The following SCNN1D variants were observed in gnomAD, a reference collection of about 807,000 sequenced individuals.
SCNN1D encodes the protein sodium channel epithelial 1 subunit delta.
In SCNN1D, 104 loss-of-function variants were observed where a neutral mutation model predicts 87.8. That is an observed-to-expected ratio of 1.18 (90% confidence interval 1.01 to 1.39). The LOEUF (loss-of-function observed/expected upper bound fraction) is 1.39. SCNN1D is among the 40% of genes most tolerant of loss of function. The probability of loss-of-function intolerance (pLI) is 0.00; values close to 1 mark genes in which losing one functional copy is unlikely to be tolerated. For synonymous variants in SCNN1D, 628 were observed against 481.2 expected, an observed-to-expected ratio of 1.31 and a Z score of -3.99; for missense variants, 1,324 against 1,093.9, an observed-to-expected ratio of 1.21 and a Z score of -2.97.
chr1:1,287,638 G>C (rs1640627027), intron 10 of SCNN1D, 35 bp from the exon 11 acceptor site: 7 of 1,611,634 alleles, frequency 4.3e-6, no homozygotes, highest in Non-Finnish European at 5.1e-6. Flanking sequence ...AGGGGTGCAG[G>C]TCAGGTGGCC....
In SCNN1D at chr1:1,281,551, A is replaced by G. The variant is rs900250217; in HGVS notation, c.218A>G (p.His73Arg). ...GGPCGFTSAG[H>R]VLCGYPLCLL... ...CCATGTGGATTCACCAGTGCTGGAC[A>G]TGTGCTCTGTGGCTACCCCCTCTGC... Residue 73 changes from histidine (H) to arginine (R), a missense_variant, in exon 3 of 18, where the codon CAT becomes CGT. Physicochemically the swap from His to Arg is conservative, Grantham distance 29 (BLOSUM62 0). Coordinates refer to ENST00000379116, the MANE Select transcript of SCNN1D (RefSeq NM_001130413.4). 7 of 1,535,638 alleles carry G rather than the reference A, an allele frequency of 4.6e-6. No homozygotes were observed. The African/African-American group carries it at 5.5e-5, about 12-fold the overall frequency.
chr1:1,286,889 C>A lies in SCNN1D; in HGVS notation c.1033C>A (p.His345Asn), dbSNP rs148117452. ...CGCCCTCTCCGCCACTGTCCCCCGCCACGAGCCCCCCTTCCACCTGGACCG... is the reference window on the plus strand; with the variant it reads ...CGCCCTCTCCGCCACTGTCCCCCGCAACGAGCCCCCCTTCCACCTGGACCG... ...RAALSATVPR[H>N]EPPFHLDREI... The change falls in exon 8 of 18, where the codon CAC becomes AAC. Residue 345 changes from histidine (H) to asparagine (N), a missense_variant. Coordinates refer to ENST00000379116, the MANE Select transcript of SCNN1D (RefSeq NM_001130413.4). 22 of 1,612,522 alleles carry A rather than the reference C, an allele frequency of 1.4e-5. No individual in the cohort carries two copies. The South Asian group carries it at 1.6e-4, about 12-fold the overall frequency.
At chr1:1,286,707 A>T (rs1282686192) in intron 7 of SCNN1D, 61 bp from the exon 8 acceptor site, 6 of 1,492,192 alleles carry the variant, frequency 4.0e-6, no homozygotes, top group African/African-American at 1.4e-5. Flanking sequence ...ACACACTGGG[A>T]TGCTGGGGCC....
intron 12 of SCNN1D, 35 bp downstream of exon 12, chr1:1,288,072 T>G (rs1570607923): frequency 3.8e-6 from 4 of 1,047,796 alleles, no homozygotes; most frequent in South Asian, 2.1e-5. Context: ...CGGGGGCAGG[T>G]GAGGCTGGGC....
Position 1,286,859 on chromosome 1 carries a change from A to G in SCNN1D, c.1003A>G (p.Arg335Gly). The part of the protein sequence containing the change: ...SLYNVNLSKG[R>G]AALSATVPRH... ...GTACAACGTCAACCTCAGCAAAGGC[A>G]GAGCCGCCCTCTCCGCCACTGTCCC... Residue 335 changes from arginine to glycine, a missense_variant, in exon 8 of 18, where the codon AGA becomes GGA. Physicochemically the swap from Arg to Gly is moderately radical, Grantham distance 125. Coordinates refer to ENST00000379116, the MANE Select transcript of SCNN1D (RefSeq NM_001130413.4). 6.2e-7 allele frequency: 1 copy of G among 1,612,626 alleles called. No homozygotes were observed. The highest frequency in any genetic ancestry group is 8.5e-7 in the Non-Finnish European group (1 of 1,179,868).
rs188351262 is a variant in SCNN1D, at chr1:1,290,431, G to T, written c.1780+43G>T. ...CCTCCCACTCTGTCAGCCATTAGCC[G>T]GGGGGTCACAGCGAGCCTCACACAT... On this transcript the variant is annotated intron_variant, in intron 13 of 17. Coordinates refer to ENST00000379116, the MANE Select transcript of SCNN1D (RefSeq NM_001130413.4). 9.4e-6 allele frequency: 15 copies of T among 1,598,656 alleles called. No individual in the cohort carries two copies. In the East Asian group the frequency reaches 2.7e-4, roughly 28 times the overall value.
In SCNN1D at chr1:1,287,982, C is replaced by T; in HGVS notation, c.1607C>T (p.Ala536Val). 2 of 1,546,894 alleles carry T rather than the reference C, an allele frequency of 1.3e-6. No individual in the cohort carries two copies. Among genetic ancestry groups the T allele is most frequent in the South Asian group, 1.2e-5 (1 of 83,800 alleles). Residue 536 changes from alanine to valine, a missense_variant, in exon 12 of 18, where the codon GCC becomes GTC. Transcript: ENST00000379116. ...GGGAGCCCCTACGGCCACTGCACCG[C>T]CGGCGGGGAAGGCGTGGAGGTGGAG... ...RLGSPYGHCTAGGEGVEVELL... is the reference protein window; with the variant it reads ...RLGSPYGHCTVGGEGVEVELL...
chr1:1,286,659 G>C, intron 7 of SCNN1D, 109 bp from the exon 8 acceptor site: 1 of 1,067,658 alleles, frequency 9.4e-7, no homozygotes. Flanking sequence ...CACCCCACTG[G>C]GCGTCCCGAG....
Position 1,289,964 on chromosome 1 carries a change from TCC to T in SCNN1D, c.1663-303_1663-302del, listed in dbSNP as rs1384509683. Among the ~76,000 whole-genome samples the T allele has an allele frequency of 2.0e-3, 73 of 35,778 alleles. 7 individuals carry two copies. The East Asian group carries it at 0.11, about 53-fold the overall frequency. The allele number at this position is 35,778 out of a possible 152,430, so 23.5% of individuals were successfully genotyped here. The stretch of plus-strand genomic sequence containing the variant: ...TGCTCCGTCCCGTGTCTCTGCTCCG[TCC>T]CCCGTGTCTGCTCCGTCCCGTGTCC... On this transcript the variant is annotated intron_variant, in intron 12 of 17. Coordinates refer to ENST00000379116, the MANE Select transcript of SCNN1D (RefSeq NM_001130413.4).
Position 1,282,076 on chromosome 1 carries a change from G to A in SCNN1D, c.278-166G>A, listed in dbSNP as rs190246452. 721 of 614,556 alleles carry A rather than the reference G, an allele frequency of 1.2e-3. 2 individuals are homozygous for A. The highest frequency in any genetic ancestry group is 0.011 in the African/African-American group (605 of 54,142). 38.1% of individuals were successfully genotyped at this position (614,556 alleles called of 1,614,324 possible). ...GAAGCCCCAGGCCTGTGCTGTGTCC[G>A]GGGGCCCTGCCGCTGACCTGTGGGG... On this transcript the variant is annotated intron_variant, in intron 3 of 17. Transcript: ENST00000379116.
chr1:1,284,394 G>A (rs1640541939), intron 5 of SCNN1D, among the ~76,000 whole-genome samples: 1 of 150,874 alleles, frequency 6.6e-6, no homozygotes, highest in African/African-American at 2.4e-5. Context: ...TCTTTCCGAT[G>A]CCTGGCCCCG....
Position 1,281,211 on chromosome 1 carries a change from G to T in SCNN1D, c.6-15G>T. ...GGCTGGGGTCCCACAGATGCCAGGCGCCTGCCATCTCCAGGGCAGTGCTGT... is the reference window on the plus strand; with the variant it reads ...GGCTGGGGTCCCACAGATGCCAGGCTCCTGCCATCTCCAGGGCAGTGCTGT... On this transcript the variant is annotated splice_polypyrimidine_tract_variant and intron_variant, in intron 1 of 17. Transcript: ENST00000379116. 2 of 1,534,468 alleles carry T rather than the reference G, an allele frequency of 1.3e-6. No individual in the cohort carries two copies. Among genetic ancestry groups the T allele is most frequent in the Non-Finnish European group, 8.7e-7 (1 of 1,146,614 alleles).
At chr1:1,280,967 C>A in intron 1 of SCNN1D, 1 of 590,490 alleles carries the variant, frequency 1.7e-6, no homozygotes, top group Non-Finnish European at 3.0e-6. Context: ...AGTTGATGCC[C>A]GGGGCCGAGG....
Position 1,286,754 on chromosome 1 carries a change from G to T in SCNN1D, c.912-14G>T. 6.2e-7 allele frequency: 1 copy of T among 1,611,188 alleles called. No homozygotes were observed. The highest frequency in any genetic ancestry group is 8.5e-7 in the Non-Finnish European group (1 of 1,179,070). On this transcript the variant is annotated splice_polypyrimidine_tract_variant and intron_variant, in intron 7 of 17. Coordinates refer to ENST00000379116, the MANE Select transcript of SCNN1D (RefSeq NM_001130413.4). Reference sequence around the variant, plus strand: ...CCGGGCCGGCAACTCTGACTCCAGGGCCCTGCGTCCCAGGCCGAGTCCGGT... The same window carrying T: ...CCGGGCCGGCAACTCTGACTCCAGGTCCCTGCGTCCCAGGCCGAGTCCGGT...
Position 1,285,786 on chromosome 1 carries a change from T to C in SCNN1D, c.558+122T>C, listed in dbSNP as rs562329667. 258 of 1,182,490 alleles carry C rather than the reference T, an allele frequency of 2.2e-4. 2 individuals carry two copies. In the South Asian group the frequency reaches 3.5e-3, roughly 16 times the overall value. The allele number at this position is 1,182,490 out of a possible 1,614,324, so 73.2% of individuals were successfully genotyped here. ...TGTATCCGGGGAGAAGGGCGCAGTGTCAGAGCACCCTGGGAGGGGCTTGTC... is the reference window on the plus strand; with the variant it reads ...TGTATCCGGGGAGAAGGGCGCAGTGCCAGAGCACCCTGGGAGGGGCTTGTC... On this transcript the variant is annotated intron_variant, in intron 6 of 17. Coordinates refer to ENST00000379116, the MANE Select transcript of SCNN1D (RefSeq NM_001130413.4).
At chr1:1,288,220 C>T (rs1640656786) in intron 12 of SCNN1D, among the ~76,000 whole-genome samples, 183 bp downstream of exon 12, 1 of 141,706 alleles carries the variant, frequency 7.1e-6, no homozygotes, top group African/African-American at 2.7e-5. Context: ...TCTGCTCCGT[C>T]CCGTGTCTCT....
chr1:1,291,029 C>T, intron 16 of SCNN1D, 36 bp from the exon 17 acceptor site: 11 of 1,602,332 alleles, frequency 6.9e-6, no homozygotes, highest in Non-Finnish European at 9.4e-6. Flanking sequence ...TCATGAAGGT[C>T]TGGGCCAGCG....
At position 1,285,624 on chromosome 1, in the gene SCNN1D, A is replaced by T; in HGVS notation, c.518A>T (p.His173Leu). 1 of 1,547,870 alleles carries T rather than the reference A, an allele frequency of 6.5e-7. No homozygotes were observed. Among genetic ancestry groups the T allele is most frequent in the East Asian group, 2.4e-5 (1 of 40,890 alleles). The change falls in exon 6 of 18, where the codon CAC (histidine) becomes CTC (leucine). Residue 173 changes from histidine (H) to leucine (L), a missense_variant. Physicochemically the swap from His to Leu is moderately conservative, Grantham distance 99. Transcript: ENST00000379116. ...QRPCHLKGWQ[H>L]RPTQHNAACK... Reference sequence around the variant, plus strand: ...CCCTGCCACCTGAAGGGATGGCAGCACAGACCCACTCAGCACAACGCTGCC... The same window carrying T: ...CCCTGCCACCTGAAGGGATGGCAGCTCAGACCCACTCAGCACAACGCTGCC...
At chr1:1,289,603 GTC>G (rs1640717023) in intron 12 of SCNN1D, among the ~76,000 whole-genome samples, 1 of 21,526 alleles carries the variant, frequency 4.6e-5, no homozygotes, top group Non-Finnish European at 7.1e-5. Context: ...TCCGTCCCGT[GTC>G]TCTGCTCCGT....
Sources: allele counts gnomAD v4.1 joint callset (sites outside exome capture counted in the v4.1 genomes callset), GRCh38; gene constraint gnomAD v4.1.1; transcripts MANE v1.5; gene names NCBI Gene and HGNC (gene_info 2026-07-23, HGNC 2026-07-21).